The following ELN variants were observed in gnomAD, a reference collection of about 807,000 sequenced individuals.
The protein encoded by ELN is tropoelastin.
ELN carries 65 observed loss-of-function variants against 105.8 expected under a neutral mutation model. The ratio of observed to expected loss-of-function variants is 0.61; its 90% CI spans 0.50 to 0.75. ELN has a LOEUF of 0.75. Among genes scored for constraint, ELN ranks in the 30% least tolerant of loss-of-function variants. ELN has a pLI of 0.00. For missense variants in ELN, 882 were observed against 969.4 expected (o/e 0.91, Z 1.20); for synonymous variants, 368 against 389.2 (o/e 0.95, Z 0.64).
chr7:74,053,232 G>A lies in ELN; in HGVS notation c.1019G>A (p.Gly340Asp), dbSNP rs1794490449. The A allele has an allele frequency of 6.2e-7, 1 of 1,614,032 alleles. No homozygotes were observed. Among genetic ancestry groups the A allele is most frequent in the Admixed American group, 1.7e-5 (1 of 60,000 alleles). ...GPGVVGVPGA[G>D]VPGVGVPGAG... is the part of the protein sequence containing the mutation. ...GGAGTAGTTGGTGTCCCAGGAGCTG[G>A]CGTTCCAGGTGTTGGTGTCCCAGGA... Residue 340 changes from glycine to aspartate, a missense_variant, in exon 18 of 33, where the codon GGC (glycine) becomes GAC (aspartate). Gly to Asp is a moderately conservative substitution (Grantham distance 94, BLOSUM62 -1). Coordinates refer to ENST00000252034, the MANE Select transcript of ELN (RefSeq NM_000501.4).
intron 32 of ELN, 132 bp downstream of exon 32, chr7:74,066,908 C>T (rs879980651): frequency 7.8e-6 from 7 of 901,018 alleles, no homozygotes; most frequent in Admixed American, 2.0e-5. Flanking sequence ...TCAGGTCACA[C>T]GAGGCTGGAC....
Position 74,066,732 on chromosome 7 carries a change from G to A in ELN, c.2087G>A (p.Gly696Glu), listed in dbSNP as rs782230151. Residue 696 changes from glycine to glutamate, a missense_variant and splice_region_variant, in exon 32 of 33, where the codon GGA becomes GAA. Physicochemically the swap from Gly to Glu is moderately conservative, Grantham distance 98. Coordinates refer to ENST00000252034, the MANE Select transcript of ELN (RefSeq NM_000501.4). ...CACCAACCTGAAATCTCTCCTGCAG[G>A]AGTGGCAGCAAGACCTGGCTTCGGA... Reference protein sequence around the residue: ...LGGAGQFPLGGVAARPGFGLS... With the variant: ...LGGAGQFPLGEVAARPGFGLS... The A allele has an allele frequency of 6.2e-7, 1 of 1,613,934 alleles. No homozygotes were observed. The highest frequency in any genetic ancestry group is 1.7e-5 in the Admixed American group (1 of 60,022).
chr7:74,047,607 C>A (rs904602303), intron 12 of ELN, 68 bp from the exon 13 acceptor site: 21 of 1,605,808 alleles, frequency 1.3e-5, no homozygotes, highest in Admixed American at 1.7e-5. Context: ...GTAGATCTGT[C>A]CACCCAGGTT....
At position 74,056,372 on chromosome 7, in the gene ELN, G is replaced by A. The variant is rs142438174; in HGVS notation, c.1252G>A (p.Ala418Thr). The A allele has an allele frequency of 6.2e-6, 10 of 1,613,482 alleles. No individual in the cohort carries two copies. In the African/African-American group the frequency reaches 8.0e-5, roughly 13 times the overall value. The change falls in exon 20 of 33, where the codon GCA becomes ACA. Residue 418 changes from alanine to threonine, a missense_variant. Physicochemically the swap from Ala to Thr is moderately conservative, Grantham distance 58. Transcript: ENST00000252034. ...CGGAGTCGGAGGTATCCCTGGAGTC[G>A]CAGGTGTCCCTGGTGTCGGAGGTGT... ...GVGVGGIPGVAGVPGVGGVPG... is the reference protein window; with the variant it reads ...GVGVGGIPGVTGVPGVGGVPG...
chr7:74,064,414 CAA>C lies in ELN; in HGVS notation c.1993+728_1993+729del, dbSNP rs782201893. On this transcript the variant is annotated intron_variant, in intron 29 of 32. Coordinates refer to ENST00000252034, the MANE Select transcript of ELN (RefSeq NM_000501.4). ...TGGGCGACAGAGCGAGACTCCGTCT[CAA>C]AAAAAAAATATATATATATATATAT... Among the ~76,000 whole-genome samples, 1,017 of 134,276 alleles carry C rather than the reference CAA, an allele frequency of 7.6e-3. 13 individuals are homozygous for C. The highest frequency in any genetic ancestry group is 0.011 in the Non-Finnish European group (704 of 63,264). 88.1% of individuals were successfully genotyped at this position (134,276 alleles called of 152,430 possible). A position where few individuals can be genotyped will look rare whatever the true frequency, so the allele number is the denominator to read the frequency against.
At chr7:74,051,601 G>A (rs1794048276) in intron 15 of ELN, 149 bp from the exon 16 acceptor site, 2 of 740,480 alleles carry the variant, frequency 2.7e-6, no homozygotes, top group Non-Finnish European at 2.2e-6. Flanking sequence ...GTGGGGTGGG[G>A]GCCTCCCCAG....
Position 74,048,042 on chromosome 7 carries a change from G to A in ELN, c.686-100G>A, listed in dbSNP as rs1554673537. On this transcript the variant is annotated intron_variant, in intron 13 of 32. Coordinates refer to ENST00000252034, the MANE Select transcript of ELN (RefSeq NM_000501.4). The stretch of plus-strand genomic sequence containing the variant: ...ACTCTGGCTGGGGGTGACAGGTGCA[G>A]ACTCAGGACAGCTTGGGCCCCGAGG... 4 of 1,444,948 alleles carry A rather than the reference G, an allele frequency of 2.8e-6. 1 individual carries two copies. The highest frequency in any genetic ancestry group is 2.8e-5 in the African/African-American group (2 of 71,540). The allele number at this position is 1,444,948 out of a possible 1,614,324, so 89.5% of individuals were successfully genotyped here.
Position 74,068,718 on chromosome 7 carries a change from A to G in ELN, c.*18A>G. On this transcript the variant is annotated 3_prime_UTR_variant, in exon 33 of 33. Coordinates refer to ENST00000252034, the MANE Select transcript of ELN (RefSeq NM_000501.4). Reference sequence around the variant, plus strand: ...GAAAATGAGCTTCCTAGGACCCCTGACTCACGACCTCATCAACGTTGGTGC... The same window carrying G: ...GAAAATGAGCTTCCTAGGACCCCTGGCTCACGACCTCATCAACGTTGGTGC... 1 of 1,613,830 alleles carries G rather than the reference A, an allele frequency of 6.2e-7. No individual in the cohort carries two copies. The highest frequency in any genetic ancestry group is 1.1e-5 in the South Asian group (1 of 91,076).
chr7:74,065,802 C>T (rs1742355982), intron 30 of ELN, 70 bp downstream of exon 30: 3 of 1,611,420 alleles, frequency 1.9e-6, no homozygotes, highest in Non-Finnish European at 2.5e-6. Flanking sequence ...CACCCTCCCC[C>T]AGCCCAGCTC....
intron 29 of ELN, among the ~76,000 whole-genome samples, chr7:74,065,388 G>A (rs1797711305): frequency 6.6e-6 from 1 of 151,974 alleles, no homozygotes; most frequent in South Asian, 2.1e-4. Context: ...GCCGAGGCAG[G>A]TGGATCACCT....
intron 15 of ELN, 66 bp downstream of exon 15, chr7:74,048,622 T>C (rs1793136723): frequency 1.3e-6 from 2 of 1,599,340 alleles, no homozygotes; most frequent in East Asian, 2.2e-5. Flanking sequence ...CCCATTACTA[T>C]TGACAGCCTG....
At chr7:74,039,075 A>G (rs987568814) in intron 4 of ELN, among the ~76,000 whole-genome samples, 7 of 152,168 alleles carry the variant, frequency 4.6e-5, no homozygotes, top group African/African-American at 1.7e-4. Flanking sequence ...TAGAAGACCC[A>G]AATTGAGGAG....
intron 32 of ELN, 60 bp from the exon 33 acceptor site, chr7:74,068,597 G>T: frequency 2.5e-6 from 4 of 1,607,676 alleles, no homozygotes; most frequent in Non-Finnish European, 3.4e-6. Flanking sequence ...AGCAGGCGGG[G>T]ATTAGAGCCG....
intron 9 of ELN, among the ~76,000 whole-genome samples, chr7:74,044,737 C>A (rs371795949): frequency 6.6e-6 from 1 of 152,350 alleles, no homozygotes; most frequent in Non-Finnish European, 1.5e-5. Context: ...TCCCCCACTA[C>A]GCTGAAAGCC....
Position 74,060,211 on chromosome 7 carries a change from C to T in ELN, c.1621+27C>T, listed in dbSNP as rs1554683392. ...TGAGTGCCTCGCCCACCTTTCTCTC[C>T]TCTCCCCAACGATCTCAGAGCTGGT... On this transcript the variant is annotated intron_variant, in intron 24 of 32. Transcript: ENST00000252034. The T allele has an allele frequency of 3.1e-6, 5 of 1,614,116 alleles. No homozygotes were observed. The Admixed American group carries it at 5.0e-5, about 16-fold the overall frequency.
intron 5 of ELN, among the ~76,000 whole-genome samples, chr7:74,042,008 G>A (rs1791322706): frequency 6.6e-6 from 1 of 151,300 alleles, no homozygotes; most frequent in Non-Finnish European, 1.5e-5. Flanking sequence ...CCAAAGTGCT[G>A]GGATGACAGG....
rs1797044617 is a variant in ELN, at chr7:74,063,123, G to A, written c.1787-30G>A. 1.3e-6 allele frequency: 2 copies of A among 1,587,422 alleles called. No homozygotes were observed. The highest frequency in any genetic ancestry group is 2.3e-5 in the South Asian group (2 of 86,328). On this transcript the variant is annotated intron_variant, in intron 26 of 32. Coordinates refer to ENST00000252034, the MANE Select transcript of ELN (RefSeq NM_000501.4). This position sits in a 1 kb window ranked among gnomAD's most constrained non-coding sequence, Gnocchi z 4.1. ...CAGGGAGACCCATCGTTCAGAAATGGAACACTCATTTTCCCTCCTCTCCCC... is the reference window on the plus strand; with the variant it reads ...CAGGGAGACCCATCGTTCAGAAATGAAACACTCATTTTCCCTCCTCTCCCC...
intron 22 of ELN, among the ~76,000 whole-genome samples, chr7:74,058,353 TCTC>T (rs1348248203): frequency 1.3e-5 from 2 of 151,328 alleles, no homozygotes; most frequent in African/African-American, 4.9e-5. Context: ...TCTTCTTTCT[TCTC>T]CTTCTCCTTT....
chr7:74,068,006 C>T (rs1367308109), intron 32 of ELN, among the ~76,000 whole-genome samples: 1 of 151,460 alleles, frequency 6.6e-6, no homozygotes, highest in Non-Finnish European at 1.5e-5. Flanking sequence ...CTGCTCACTG[C>T]CACCAGGTGG....
Sources: gnomAD v4.1 joint callset for allele counts (sites outside exome capture counted in the v4.1 genomes callset) on GRCh38, gnomAD v4.1.1 for gene constraint, Gnocchi (gnomAD v3.1) non-coding constraint, MANE v1.5 for transcripts, NCBI Gene and HGNC (gene_info 2026-07-23, HGNC 2026-07-21) for gene names.